The following HTT-AS variants were observed in gnomAD, a reference collection of about 807,000 sequenced individuals.
HTT-AS encodes HTT antisense RNA.
intron 1 of HTT-AS, among the ~76,000 whole-genome samples, chr4:3,073,971 T>C (rs1292230029): frequency 6.6e-6 from 1 of 151,846 alleles, no homozygotes; most frequent in Non-Finnish European, 1.5e-5. Context: ...GGGGATCCTT[T>C]CCGCATGGGC....
At chr4:3,061,862 G>A (rs562158939) in intron 2 of HTT-AS, among the ~76,000 whole-genome samples, 36 of 148,110 alleles carry the variant, frequency 2.4e-4, no homozygotes, top group African/African-American at 8.7e-4. Flanking sequence ...AGCACCTGTA[G>A]TCCCAGCTAC....
chr4:3,071,598 C>T (rs1046397667), intron 1 of HTT-AS, among the ~76,000 whole-genome samples: 1 of 152,164 alleles, frequency 6.6e-6, no homozygotes, highest in Non-Finnish European at 1.5e-5. Flanking sequence ...TGCTAGGGTG[C>T]AACTCTATTA....
At chr4:3,054,172 C>G (rs995006969) in intron 2 of HTT-AS, among the ~76,000 whole-genome samples, 2 of 151,108 alleles carry the variant, frequency 1.3e-5, no homozygotes, top group Non-Finnish European at 2.9e-5. Flanking sequence ...TTAGCCATGC[C>G]CCCAGCTAGG....
At chr4:3,060,492 G>A (rs1268988171) in intron 2 of HTT-AS, among the ~76,000 whole-genome samples, 1 of 152,058 alleles carries the variant, frequency 6.6e-6, no homozygotes, top group East Asian at 1.9e-4. Flanking sequence ...CAAGGTTGAG[G>A]GTGCACACCT....
chr4:3,071,136 T>C (rs985748461), intron 1 of HTT-AS, among the ~76,000 whole-genome samples: 1 of 152,190 alleles, frequency 6.6e-6, no homozygotes, highest in Non-Finnish European at 1.5e-5. Context: ...CGATGATCCA[T>C]TGCCTCCCTG....
chr4:3,073,269 G>A (rs570708202), intron 1 of HTT-AS, among the ~76,000 whole-genome samples: 2 of 152,334 alleles, frequency 1.3e-5, no homozygotes, highest in South Asian at 4.1e-4. Flanking sequence ...TCACCCCCCG[G>A]CTGGGCGGTT....
intron 1 of HTT-AS, among the ~76,000 whole-genome samples, chr4:3,071,445 C>A (rs867089162): frequency 6.6e-6 from 1 of 152,144 alleles, no homozygotes; most frequent in Non-Finnish European, 1.5e-5. Context: ...AAGTACTACT[C>A]ATTACTTCTG....
chr4:3,064,587 C>T (rs1036627261), intron 1 of HTT-AS, among the ~76,000 whole-genome samples: 4 of 151,984 alleles, frequency 2.6e-5, no homozygotes, highest in Non-Finnish European at 4.4e-5. Context: ...TCTAGGAAAA[C>T]ATAATTTATC....
chr4:3,058,920 A>G (rs1339607224), intron 2 of HTT-AS, among the ~76,000 whole-genome samples: 1 of 152,012 alleles, frequency 6.6e-6, no homozygotes, highest in Non-Finnish European at 1.5e-5. Context: ...GGGTTTCCCC[A>G]TGTTGCCCAG....
chr4:3,066,273 G>A (rs1401829013), intron 1 of HTT-AS, among the ~76,000 whole-genome samples: 2 of 152,034 alleles, frequency 1.3e-5, no homozygotes, highest in Non-Finnish European at 2.9e-5. Flanking sequence ...TGGTTCAAGC[G>A]ATTCTCCTGC....
chr4:3,061,986 T>TAAAA (rs548695397), intron 2 of HTT-AS, among the ~76,000 whole-genome samples: 13 of 63,410 alleles, frequency 2.1e-4, no homozygotes, highest in East Asian at 9.7e-4. Context: ...TATCTCAAAT[T>TAAAA]AAAAAAAAAA....
Position 3,050,413 on chromosome 4 carries a change from C to A in HTT-AS, n.1381-715G>T, listed in dbSNP as rs1177336440. 2.6e-5 allele frequency among the ~76,000 whole-genome samples: 4 copies of A among 152,172 alleles called. No homozygotes were observed. The South Asian group carries it at 8.3e-4, about 32-fold the overall frequency. ...TTAGCAGTTCTATAAGCCAGTCAGT[C>A]TTTTCATTAAAGTTCCAGGAATTCT... On this transcript the variant is annotated intron_variant and non_coding_transcript_variant, in intron 2 of 2. Coordinates refer to ENST00000664062, the Ensembl canonical transcript of HTT-AS.
chr4:3,052,176 A>G (rs1711714937), intron 2 of HTT-AS, among the ~76,000 whole-genome samples: 1 of 152,060 alleles, frequency 6.6e-6, no homozygotes, highest in East Asian at 1.9e-4. Flanking sequence ...TTTCTAATTG[A>G]TATTTGGGTA....
At chr4:3,061,376 G>C (rs1711922322) in intron 2 of HTT-AS, among the ~76,000 whole-genome samples, 1 of 152,166 alleles carries the variant, frequency 6.6e-6, no homozygotes, top group Non-Finnish European at 1.5e-5. Flanking sequence ...TTCCAAAGGA[G>C]GCAATCAGAA....
intron 2 of HTT-AS, among the ~76,000 whole-genome samples, chr4:3,061,140 A>T (rs1711918205): frequency 6.6e-6 from 1 of 152,256 alleles, no homozygotes; most frequent in Admixed American, 6.5e-5. Flanking sequence ...CTTGGGTATT[A>T]TGCCACTTCA....
chr4:3,055,485 A>G (rs1362662511), intron 2 of HTT-AS, among the ~76,000 whole-genome samples: 3 of 152,288 alleles, frequency 2.0e-5, no homozygotes, highest in African/African-American at 4.8e-5. Context: ...TTGGATTGCG[A>G]TAGTAACTAA....
chr4:3,074,009 C>A (rs28616835), intron 1 of HTT-AS, among the ~76,000 whole-genome samples: 1 of 150,620 alleles, frequency 6.6e-6, no homozygotes, highest in South Asian at 2.1e-4. Context: ...GCCCCCTCCA[C>A]GGCCCCGCCC....
chr4:3,046,716 A>C (rs1422954134), downstream of HTT-AS, among the ~76,000 whole-genome samples: 1 of 151,674 alleles, frequency 6.6e-6, no homozygotes, highest in Admixed American at 6.6e-5. Flanking sequence ...GTACCTCCTT[A>C]TGCTGGAACG....
intron 2 of HTT-AS, among the ~76,000 whole-genome samples, chr4:3,057,855 C>T (rs1351832847): frequency 6.6e-6 from 1 of 151,248 alleles, no homozygotes; most frequent in Non-Finnish European, 1.5e-5. Flanking sequence ...AATCTCCTGA[C>T]CTTGTGATCC....
Sources: allele counts gnomAD v4.1 joint callset (sites outside exome capture counted in the v4.1 genomes callset), GRCh38; gene constraint gnomAD v4.1.1; transcripts MANE v1.5; gene names NCBI Gene and HGNC (gene_info 2026-07-23, HGNC 2026-07-21).